CADPS2: variants seen among roughly 807,000 people sequenced by gnomAD.
CADPS2 encodes calcium-dependent secretion activator 2.
A neutral mutation model predicts 172.5 loss-of-function variants in CADPS2; 93 were observed. That is an observed-to-expected ratio of 0.54 (90% CI 0.46 to 0.64). The LOEUF (loss-of-function observed/expected upper bound fraction) is 0.64, where lower values mean the gene tolerates loss of function less well. CADPS2 is among the 30% of genes least tolerant of loss of function. The pLI is 0.00. For synonymous variants in CADPS2, 546 were observed against 555.2 expected (o/e 0.98, Z 0.23); for missense variants, 1,420 against 1,565.9 (o/e 0.91, Z 1.57).
At chr7:122,878,840 G>A (rs1822066866) in intron 1 of CADPS2, among the ~76,000 whole-genome samples, 1 of 152,022 alleles carries the variant, frequency 6.6e-6, no homozygotes, top group South Asian at 2.1e-4. Flanking sequence ...GAACATATTG[G>A]ATAGTGTTAA....
At chr7:122,525,045 G>A (rs1218403083) in intron 8 of CADPS2, among the ~76,000 whole-genome samples, 1 of 151,980 alleles carries the variant, frequency 6.6e-6, no homozygotes, top group Non-Finnish European at 1.5e-5. Context: ...AGGCTGAGGT[G>A]GGAGGAATCA....
At chr7:122,773,307 T>C (rs1330270664) in intron 1 of CADPS2, among the ~76,000 whole-genome samples, 2 of 152,004 alleles carry the variant, frequency 1.3e-5, no homozygotes, top group Non-Finnish European at 2.9e-5. Flanking sequence ...AAAGACTGTT[T>C]ATACTACTTA....
At chr7:122,790,400 A>G (rs933913069) in intron 1 of CADPS2, among the ~76,000 whole-genome samples, 1 of 149,086 alleles carries the variant, frequency 6.7e-6, no homozygotes, top group Non-Finnish European at 1.5e-5. Context: ...GCGTTTCTAA[A>G]AAAAAAAAAA....
At chr7:122,602,539 C>T (rs1384751155) in intron 6 of CADPS2, among the ~76,000 whole-genome samples, 2 of 151,952 alleles carry the variant, frequency 1.3e-5, no homozygotes, top group African/African-American at 4.8e-5. Context: ...GGTACAAAAC[C>T]TTCAAGTTGA....
intron 2 of CADPS2, among the ~76,000 whole-genome samples, chr7:122,733,466 T>G (rs997849699): frequency 6.8e-5 from 9 of 132,442 alleles, no homozygotes; most frequent in Non-Finnish European, 1.8e-5. Flanking sequence ...ATCAATATGG[T>G]TCTCAAATGA....
rs1440942859 is a variant in CADPS2 at position 122,334,933 on chromosome 7, G to C, written c.3613-9352C>G. ...TTTAATACTGTATTCCCAGCCTCTA[G>C]CAAAGTGTGTGGTCTAAAAAGTCTT... On this transcript the variant is annotated intron_variant, in intron 28 of 29. Transcript: ENST00000449022. 1.2e-4 allele frequency among the ~76,000 whole-genome samples: 18 copies of C among 152,178 alleles called. 1 individual carries two copies. The highest frequency in any genetic ancestry group is 2.4e-4 in the Non-Finnish European group (16 of 68,026).
intron 1 of CADPS2, among the ~76,000 whole-genome samples, chr7:122,861,940 G>C (rs1254626006): frequency 6.6e-6 from 1 of 152,214 alleles, no homozygotes; most frequent in African/African-American, 2.4e-5. Context: ...TTTCAACCTG[G>C]AATTCTATGC....
chr7:122,516,065 A>G (rs557202135), intron 8 of CADPS2, among the ~76,000 whole-genome samples: 2 of 152,278 alleles, frequency 1.3e-5, no homozygotes, highest in African/African-American at 4.8e-5. Flanking sequence ...GGATACATAC[A>G]TGTTGTATTA....
At chr7:122,715,518 T>C (rs986210851) in intron 2 of CADPS2, among the ~76,000 whole-genome samples, 7 of 152,106 alleles carry the variant, frequency 4.6e-5, no homozygotes, top group African/African-American at 1.7e-4. Flanking sequence ...CTTAAAAACA[T>C]GAAAAAGACT....
intron 8 of CADPS2, among the ~76,000 whole-genome samples, chr7:122,524,308 C>T (rs1030276543): frequency 6.6e-6 from 1 of 152,062 alleles, no homozygotes; most frequent in Non-Finnish European, 1.5e-5. Context: ...ATATGTTAGG[C>T]CTTCATTTCC....
intron 2 of CADPS2, among the ~76,000 whole-genome samples, chr7:122,665,094 C>G (rs1426507016): frequency 6.6e-6 from 1 of 152,102 alleles, no homozygotes; most frequent in African/African-American, 2.4e-5. Flanking sequence ...GCCACCACAC[C>G]TGGCCTCAAC....
At chr7:122,387,909 G>T (rs1432681086) in intron 23 of CADPS2, among the ~76,000 whole-genome samples, 1 of 151,878 alleles carries the variant, frequency 6.6e-6, no homozygotes, top group East Asian at 1.9e-4. Flanking sequence ...ATATCCAATT[G>T]GTCTAACCAG....
Position 122,690,763 on chromosome 7 carries a change from T to A in CADPS2, c.454-27194A>T, listed in dbSNP as rs111746084. Among the ~76,000 whole-genome samples, 1,236 of 152,332 alleles carry A rather than the reference T, an allele frequency of 8.1e-3. 8 individuals are homozygous for A. The highest frequency in any genetic ancestry group is 0.012 in the Admixed American group (185 of 15,310). On this transcript the variant is annotated intron_variant, in intron 2 of 29. Transcript: ENST00000449022. Reference sequence around the variant, plus strand: ...CTGCCCAGCTACAGCTGCAGATTACTGTAGGTGTCACCTTCTTGGTGATCA... The same window carrying A: ...CTGCCCAGCTACAGCTGCAGATTACAGTAGGTGTCACCTTCTTGGTGATCA...
intron 1 of CADPS2, among the ~76,000 whole-genome samples, chr7:122,759,389 A>G (rs2093296873): frequency 6.6e-6 from 1 of 152,212 alleles, no homozygotes; most frequent in African/African-American, 2.4e-5. Flanking sequence ...TGCAAAGGTT[A>G]GGAAAGAAAT....
rs769109496 is a variant in CADPS2 at position 122,393,195 on chromosome 7, C to T, written c.3008+1G>A. 3.5e-5 allele frequency: 56 copies of T among 1,613,176 alleles called. No individual in the cohort carries two copies. The highest frequency in any genetic ancestry group is 4.4e-5 in the Non-Finnish European group (52 of 1,179,636). On this transcript the variant is annotated splice_donor_variant, in intron 22 of 29. Coordinates refer to ENST00000449022, the MANE Select transcript of CADPS2 (RefSeq NM_017954.11). LOFTEE classifies it high-confidence loss of function. ...CCAGGAAATAAGTGAGGAATACACA[C>T]GTGGACTCATATAAAGAAGGCATCC...
At chr7:122,681,385 C>T (rs1397365649) in intron 2 of CADPS2, 2 of 1,493,818 alleles carry the variant, frequency 1.3e-6, no homozygotes, top group East Asian at 2.3e-5. Context: ...GTTCGCTGTA[C>T]TAACTGTGCC....
At chr7:122,822,639 TA>T (rs1473782616) in intron 1 of CADPS2, among the ~76,000 whole-genome samples, 3 of 142,192 alleles carry the variant, frequency 2.1e-5, no homozygotes, top group Non-Finnish European at 3.1e-5. Context: ...TGAAGAATCA[TA>T]AAAGAAGTGA....
At chr7:122,783,854 A>G (rs1024405384) in intron 1 of CADPS2, among the ~76,000 whole-genome samples, 12 of 152,312 alleles carry the variant, frequency 7.9e-5, no homozygotes, top group Admixed American at 3.3e-4. Flanking sequence ...ACTTTAAGCT[A>G]TTTACTAAAG....
At chr7:122,703,837 A>G (rs1302070263) in intron 2 of CADPS2, among the ~76,000 whole-genome samples, 2 of 152,168 alleles carry the variant, frequency 1.3e-5, no homozygotes, top group African/African-American at 4.8e-5. Flanking sequence ...GCTGAATAAC[A>G]GATTTAGTAA....
Sources: gnomAD v4.1 joint callset for allele counts (sites outside exome capture counted in the v4.1 genomes callset) on GRCh38, gnomAD v4.1.1 for gene constraint, MANE v1.5 for transcripts, NCBI Gene and HGNC (gene_info 2026-07-23, HGNC 2026-07-21) for gene names.